Variants in TMEM132D observed in about 807,000 individuals in gnomAD.
TMEM132D encodes mature OL transmembrane protein.
Under a neutral mutation model 62.3 loss-of-function variants are expected in TMEM132D, and 21 were observed. The ratio of observed to expected loss-of-function variants is 0.34; its 90% CI spans 0.24 to 0.49. The LOEUF (loss-of-function observed/expected upper bound fraction) is 0.49. Ranked by LOEUF, TMEM132D falls within the 20% of genes least tolerant of loss-of-function variation. The pLI is 0.99. For synonymous variants in TMEM132D, 621 were observed against 575.6 expected (o/e 1.08, Z -1.13); for missense variants, 1,346 against 1,402.8 (o/e 0.96, Z 0.65).
chr12:129,131,687 T>C (rs187838105), intron 5 of TMEM132D, among the ~76,000 whole-genome samples: 8 of 152,238 alleles, frequency 5.3e-5, no homozygotes, highest in African/African-American at 9.6e-5. Flanking sequence ...TCAAGATTGT[T>C]GAGTAAAGCA....
intron 4 of TMEM132D, among the ~76,000 whole-genome samples, chr12:129,326,474 C>T (rs11610297): frequency 0.18 from 27,824 of 152,168 alleles, 3,338 homozygotes; most frequent in Non-Finnish European, 0.26. Context: ...AAGAAGTACA[C>T]TGCTTTGTGA....
intron 3 of TMEM132D, among the ~76,000 whole-genome samples, chr12:129,399,304 C>T (rs1440881960): frequency 1.5e-5 from 1 of 68,772 alleles, no homozygotes; most frequent in Non-Finnish European, 2.9e-5. Context: ...CCCACTTCTG[C>T]AGTAGCTAAC....
rs567217223 is a variant in TMEM132D at position 129,414,160 on chromosome 12, C to T, written c.1116-76343G>A. On this transcript the variant is annotated intron_variant, in intron 3 of 8. Transcript: ENST00000422113. ...TGTTATTCTTTCTCTCAACACCATA[C>T]GCTTTTTTCTTCTTAGCACTTATTG... Among the ~76,000 whole-genome samples the T allele has an allele frequency of 5.3e-5, 8 of 152,306 alleles. No homozygotes were observed. In the South Asian group the frequency reaches 8.3e-4, roughly 16 times the overall value.
chr12:129,641,924 A>C (rs1393564319), intron 2 of TMEM132D, among the ~76,000 whole-genome samples: 1 of 152,176 alleles, frequency 6.6e-6, no homozygotes, highest in Non-Finnish European at 1.5e-5. Flanking sequence ...TCATTTTGTA[A>C]CTTACTGAGC....
intron 2 of TMEM132D, among the ~76,000 whole-genome samples, chr12:129,593,780 G>A (rs1433450703): frequency 1.3e-5 from 2 of 152,146 alleles, no homozygotes; most frequent in East Asian, 1.9e-4. Context: ...ACTGGGAGGT[G>A]CAGAGAAATG....
chr12:129,406,010 C>T lies in TMEM132D; in HGVS notation c.1116-68193G>A, dbSNP rs193269038. ...ATCTATAAAACCCAATTCATTAATT[C>T]ACTCCAAAACCTTACAAAAATAGAA... On this transcript the variant is annotated intron_variant, in intron 3 of 8. Coordinates refer to ENST00000422113, the MANE Select transcript of TMEM132D (RefSeq NM_133448.3). Among the ~76,000 whole-genome samples, 593 of 152,314 alleles carry T rather than the reference C, an allele frequency of 3.9e-3. 12 individuals are homozygous for T. Among genetic ancestry groups the T allele is most frequent in the Admixed American group, 0.035 (528 of 15,302 alleles).
intron 1 of TMEM132D, among the ~76,000 whole-genome samples, chr12:129,730,167 C>T (rs1035540718): frequency 6.6e-6 from 1 of 152,134 alleles, no homozygotes; most frequent in Non-Finnish European, 1.5e-5. Context: ...TCATATTTTT[C>T]CCTCCTAGTC....
intron 3 of TMEM132D, among the ~76,000 whole-genome samples, chr12:129,510,951 C>G (rs1485301003): frequency 6.6e-6 from 1 of 152,128 alleles, no homozygotes; most frequent in East Asian, 1.9e-4. Flanking sequence ...GTTACTATAG[C>G]TCAGTAGTAT....
chr12:129,617,276 C>A (rs539745905), intron 2 of TMEM132D, among the ~76,000 whole-genome samples: 1 of 152,280 alleles, frequency 6.6e-6, no homozygotes, highest in Admixed American at 6.5e-5. Context: ...TTAAAGGATC[C>A]TAAAAACAGA....
At chr12:129,320,834 T>A (rs148404984) in intron 4 of TMEM132D, among the ~76,000 whole-genome samples, 1,725 of 152,250 alleles carry the variant, frequency 0.011, 11 homozygotes, top group Non-Finnish European at 0.018. Flanking sequence ...TAAATCCATC[T>A]TTTTTCAGGT....
chr12:129,132,602 T>C (rs1876412549), intron 5 of TMEM132D, among the ~76,000 whole-genome samples: 1 of 152,228 alleles, frequency 6.6e-6, no homozygotes, highest in Non-Finnish European at 1.5e-5. Context: ...TCCCTGCATT[T>C]CACTCACCCT....
At chr12:129,759,137 T>C (rs1870267660) in intron 1 of TMEM132D, among the ~76,000 whole-genome samples, 1 of 152,076 alleles carries the variant, frequency 6.6e-6, no homozygotes, top group Non-Finnish European at 1.5e-5. Context: ...TTTCACCATG[T>C]TGGCCAGGCT....
At chr12:129,161,348 A>T (rs763721930) in intron 5 of TMEM132D, among the ~76,000 whole-genome samples, 3 of 152,256 alleles carry the variant, frequency 2.0e-5, no homozygotes, top group Non-Finnish European at 2.9e-5. Flanking sequence ...AACATCTCAG[A>T]CTTTTAGAGT....
chr12:129,158,540 C>T (rs774694743), intron 5 of TMEM132D, among the ~76,000 whole-genome samples: 7 of 152,138 alleles, frequency 4.6e-5, no homozygotes, highest in Non-Finnish European at 7.4e-5. Context: ...GAAGTATATC[C>T]AGGCATTGAT....
intron 2 of TMEM132D, among the ~76,000 whole-genome samples, chr12:129,603,791 C>G (rs1447562632): frequency 6.6e-6 from 1 of 152,158 alleles, no homozygotes; most frequent in African/African-American, 2.4e-5. Flanking sequence ...ACCAGAAATA[C>G]CATTTGACCC....
At chr12:129,449,116 A>G (rs1476370184) in intron 3 of TMEM132D, among the ~76,000 whole-genome samples, 1 of 152,170 alleles carries the variant, frequency 6.6e-6, no homozygotes, top group Admixed American at 6.5e-5. Context: ...ATGGTTCACA[A>G]TGGGAATGGA....
At chr12:129,418,097 G>A (rs1179256851) in intron 3 of TMEM132D, among the ~76,000 whole-genome samples, 1 of 152,198 alleles carries the variant, frequency 6.6e-6, no homozygotes, top group African/African-American at 2.4e-5. Flanking sequence ...TTACACTGTT[G>A]GTGGAACTGT....
At chr12:129,782,396 C>G (rs1593159720) in intron 1 of TMEM132D, among the ~76,000 whole-genome samples, 1 of 152,296 alleles carries the variant, frequency 6.6e-6, no homozygotes, top group Non-Finnish European at 1.5e-5. Context: ...GCAGTTTGAT[C>G]TTAGACAAGT....
intron 3 of TMEM132D, among the ~76,000 whole-genome samples, chr12:129,421,626 AGCCC>A (rs1476146010): frequency 1.3e-5 from 2 of 152,258 alleles, no homozygotes; most frequent in Non-Finnish European, 2.9e-5. Context: ...TTCTACTAGC[AGCCC>A]TGATGTCCTA....
Sources: allele counts gnomAD v4.1 joint callset (sites outside exome capture counted in the v4.1 genomes callset), GRCh38; gene constraint gnomAD v4.1.1; transcripts MANE v1.5; gene names NCBI Gene and HGNC (gene_info 2026-07-23, HGNC 2026-07-21).